The following KIAA0232 variants were observed in gnomAD, a reference collection of about 807,000 sequenced individuals.
KIAA0232 encodes the protein uncharacterized protein KIAA0232.
Under a neutral mutation model 122.0 loss-of-function variants are expected in KIAA0232, and 27 were observed. The ratio of observed to expected loss-of-function variants is 0.22; its 90% CI spans 0.16 to 0.31. The LOEUF is 0.31. Ranked by LOEUF, KIAA0232 falls within the 10% of genes least tolerant of loss-of-function variation. KIAA0232 has a pLI of 1.00. For synonymous variants in KIAA0232, 613 were observed against 587.6 expected (o/e 1.04, Z -0.63); for missense variants, 1,551 against 1,634.2 (o/e 0.95, Z 0.88).
chr4:6,827,334 A>G (rs757329552), intron 3 of KIAA0232, among the ~76,000 whole-genome samples: 1 of 152,228 alleles, frequency 6.6e-6, no homozygotes, highest in Non-Finnish European at 1.5e-5. Context: ...TGCGGAAGAC[A>G]AGGATGGTTC....
chr4:6,790,701 T>G (rs1354101482), intron 1 of KIAA0232, among the ~76,000 whole-genome samples: 3 of 151,788 alleles, frequency 2.0e-5, no homozygotes, highest in African/African-American at 7.3e-5. Flanking sequence ...TTATTAGATG[T>G]CTGATTAGTA....
At chr4:6,798,335 A>G (rs1179107308) in intron 1 of KIAA0232, among the ~76,000 whole-genome samples, 2 of 152,144 alleles carry the variant, frequency 1.3e-5, no homozygotes, top group East Asian at 3.9e-4. Flanking sequence ...GAATAAAATA[A>G]CTATAGAGAG....
At chr4:6,832,154 T>C (rs1359465744) in intron 3 of KIAA0232, among the ~76,000 whole-genome samples, 1 of 152,178 alleles carries the variant, frequency 6.6e-6, no homozygotes, top group Non-Finnish European at 1.5e-5. Context: ...AATGGCATAG[T>C]TTGGTTTTGA....
intron 1 of KIAA0232, among the ~76,000 whole-genome samples, chr4:6,794,951 A>C (rs1490414965): frequency 6.6e-6 from 1 of 152,170 alleles, no homozygotes; most frequent in Non-Finnish European, 1.5e-5. Context: ...ATTAAAGAGA[A>C]AGAAGCAGGG....
intron 2 of KIAA0232, among the ~76,000 whole-genome samples, chr4:6,819,100 A>G (rs1718288213): frequency 6.6e-6 from 1 of 152,176 alleles, no homozygotes; most frequent in Admixed American, 6.5e-5. Context: ...AGATACTTAA[A>G]TGTAAGACCT....
chr4:6,790,911 T>C (rs960945656), intron 1 of KIAA0232, among the ~76,000 whole-genome samples: 1 of 148,146 alleles, frequency 6.8e-6, no homozygotes, highest in African/African-American at 2.5e-5. Flanking sequence ...CTTGTTTTTA[T>C]ATACTTTTTT....
At chr4:6,799,423 G>T (rs1305687893) in intron 1 of KIAA0232, among the ~76,000 whole-genome samples, 1 of 151,512 alleles carries the variant, frequency 6.6e-6, no homozygotes, top group Non-Finnish European at 1.5e-5. Flanking sequence ...CACAGCAGGT[G>T]TTAAAGTTGG....
intron 7 of KIAA0232, among the ~76,000 whole-genome samples, 186 bp from the exon 8 acceptor site, chr4:6,871,388 C>G (rs1020486911): frequency 6.6e-6 from 1 of 152,094 alleles, no homozygotes; most frequent in African/African-American, 2.4e-5. Context: ...GAGCCAAGAT[C>G]GTGCCACTAC....
chr4:6,799,292 C>G (rs1379449477), intron 1 of KIAA0232, among the ~76,000 whole-genome samples: 2 of 149,422 alleles, frequency 1.3e-5, no homozygotes, highest in South Asian at 4.3e-4. Context: ...GGCTGATAAT[C>G]TAGTATGACC....
chr4:6,822,441 T>G (rs1191013219), intron 2 of KIAA0232, among the ~76,000 whole-genome samples: 1 of 152,208 alleles, frequency 6.6e-6, no homozygotes, highest in Non-Finnish European at 1.5e-5. Flanking sequence ...GTAATGGTAT[T>G]TGTCTTTCTG....
chr4:6,817,105 CTT>C (rs1301554645), intron 2 of KIAA0232, among the ~76,000 whole-genome samples: 2 of 152,120 alleles, frequency 1.3e-5, no homozygotes, highest in Non-Finnish European at 2.9e-5. Context: ...GTTTGCTCTT[CTT>C]TGTCTAGTTT....
At chr4:6,802,605 G>C (rs1053498927) in intron 1 of KIAA0232, among the ~76,000 whole-genome samples, 1 of 150,354 alleles carries the variant, frequency 6.7e-6, no homozygotes, top group African/African-American at 2.5e-5. Flanking sequence ...TACGAACAGA[G>C]TTACAGTGCA....
intron 7 of KIAA0232, among the ~76,000 whole-genome samples, chr4:6,868,380 G>A (rs1354661179): frequency 1.3e-5 from 2 of 152,148 alleles, no homozygotes; most frequent in Non-Finnish European, 2.9e-5. Context: ...CCCACCTTGG[G>A]GAGCTGACAA....
intron 4 of KIAA0232, among the ~76,000 whole-genome samples, chr4:6,854,962 A>G (rs1173958790): frequency 6.6e-6 from 1 of 152,196 alleles, no homozygotes; most frequent in Non-Finnish European, 1.5e-5. Flanking sequence ...CTGTAAATTA[A>G]CACTTTGGAA....
chr4:6,849,474 G>A (rs1482587374), intron 4 of KIAA0232, among the ~76,000 whole-genome samples: 2 of 152,192 alleles, frequency 1.3e-5, no homozygotes, highest in Admixed American at 1.3e-4. Context: ...AAATTAACCG[G>A]ACGTGGTGGC....
intron 3 of KIAA0232, among the ~76,000 whole-genome samples, chr4:6,839,169 C>T (rs1161990934): frequency 6.6e-6 from 1 of 152,148 alleles, no homozygotes; most frequent in African/African-American, 2.4e-5. Flanking sequence ...TTTCAAGCTT[C>T]TAGGAATGAC....
chr4:6,847,862 TA>T (rs5855933), intron 4 of KIAA0232, among the ~76,000 whole-genome samples: 2 of 148,994 alleles, frequency 1.3e-5, no homozygotes, highest in South Asian at 2.1e-4. Context: ...ATTTCCCCCT[TA>T]AAAAAAAAAA....
rs1720990366 is a variant in KIAA0232 at position 6,863,380 on chromosome 4, G to GT, written c.2998_2999insT (p.Asp1000ValfsTer12). The GT allele has an allele frequency of 6.2e-7, 1 of 1,614,034 alleles. No individual in the cohort carries two copies. Among genetic ancestry groups the GT allele is most frequent in the Admixed American group, 1.7e-5 (1 of 59,998 alleles). ...ACCCTTCGTGTCATTTGAACAGAAT[G>GT]ATCAGCCGAAGAGTGGGGAAAATGG... On this transcript the variant is annotated frameshift_variant, in exon 7 of 10. Coordinates refer to ENST00000307659, the MANE Select transcript of KIAA0232 (RefSeq NM_014743.3). LOFTEE classifies it high-confidence loss of function.
At chr4:6,791,904 T>C (rs1488478467) in intron 1 of KIAA0232, among the ~76,000 whole-genome samples, 3 of 152,176 alleles carry the variant, frequency 2.0e-5, no homozygotes, top group Non-Finnish European at 2.9e-5. Flanking sequence ...GGTGATTGAA[T>C]CATGGGGACA....
Sources: allele counts gnomAD v4.1 joint callset (sites outside exome capture counted in the v4.1 genomes callset), GRCh38; gene constraint gnomAD v4.1.1; transcripts MANE v1.5; gene names NCBI Gene and HGNC (gene_info 2026-07-23, HGNC 2026-07-21).